The following PIP5K1A variants were observed in gnomAD, a reference collection of about 807,000 sequenced individuals.
PIP5K1A encodes the protein phosphatidylinositol-4-phosphate 5-kinase type 1 alpha.
Under a neutral mutation model 72.9 loss-of-function variants are expected in PIP5K1A, and 46 were observed. The ratio of observed to expected loss-of-function variants is 0.63; its 90% CI spans 0.50 to 0.81. The LOEUF (loss-of-function observed/expected upper bound fraction) is 0.81. PIP5K1A is among the 30% of genes least tolerant of loss of function. The probability of loss-of-function intolerance (pLI) is 0.00; values close to 1 mark genes in which losing one functional copy is unlikely to be tolerated. For synonymous variants in PIP5K1A, 228 were observed against 255.1 expected (o/e 0.89, Z 1.01); for missense variants, 458 against 706.1 (o/e 0.65, Z 3.98).
chr1:151,199,985 A>G (rs189837471), intron 1 of PIP5K1A, among the ~76,000 whole-genome samples: 2 of 152,168 alleles, frequency 1.3e-5, no homozygotes, highest in African/African-American at 4.8e-5. Context: ...ATACTTTCTC[A>G]GACTAATTCC....
chr1:151,248,685 TC>T lies in PIP5K1A; in HGVS notation c.*822del, dbSNP rs1366631346. On this transcript the variant is annotated 3_prime_UTR_variant, in exon 16 of 16. Coordinates refer to ENST00000368888, the MANE Select transcript of PIP5K1A (RefSeq NM_001135638.2). ...CCATGGGCTGGGAGATCATAGCCCT[TC>T]CTAGGCAGAATCCTGTTCACTGCCA... 12 of 152,678 alleles carry T rather than the reference TC, an allele frequency of 7.9e-5. No homozygotes were observed. The highest frequency in any genetic ancestry group is 2.9e-4 in the African/African-American group (12 of 41,464). The allele number at this position is 152,678 out of a possible 1,614,324, so 9.5% of individuals were successfully genotyped here. A position where few individuals can be genotyped will look rare whatever the true frequency, so the allele number is the denominator to read the frequency against.
chr1:151,241,869 A>G (rs587696627), intron 12 of PIP5K1A, among the ~76,000 whole-genome samples: 2 of 152,188 alleles, frequency 1.3e-5, no homozygotes, highest in South Asian at 2.1e-4. Context: ...GCAGTCATCA[A>G]GGCTCCATGT....
At chr1:151,214,681 G>A (rs1687322108) in intron 1 of PIP5K1A, among the ~76,000 whole-genome samples, 1 of 147,032 alleles carries the variant, frequency 6.8e-6, no homozygotes, top group Non-Finnish European at 1.5e-5. Flanking sequence ...GCACCTGGCC[G>A]GCTTTTTGCA....
chr1:151,220,548 A>G (rs1393893060), intron 1 of PIP5K1A, among the ~76,000 whole-genome samples: 1 of 151,698 alleles, frequency 6.6e-6, no homozygotes, highest in African/African-American at 2.4e-5. Flanking sequence ...GCTTACTGCA[A>G]CCTCTGCTCC....
intron 14 of PIP5K1A, among the ~76,000 whole-genome samples, chr1:151,244,396 TA>T (rs1198012499): frequency 2.7e-4 from 41 of 152,330 alleles, no homozygotes; most frequent in African/African-American, 7.9e-4. Flanking sequence ...CTCACGCCTG[TA>T]ATCCCAACAC....
chr1:151,229,061 AG>A (rs1689593410), intron 4 of PIP5K1A, among the ~76,000 whole-genome samples: 1 of 146,342 alleles, frequency 6.8e-6, no homozygotes, highest in African/African-American at 2.5e-5. Flanking sequence ...CCAGCTACTC[AG>A]GAGGCTGAGA....
intron 5 of PIP5K1A, 87 bp from the exon 6 acceptor site, chr1:151,232,161 A>C: frequency 1.2e-6 from 1 of 863,482 alleles, no homozygotes; most frequent in Admixed American, 1.7e-5. Context: ...TCCCCCCACC[A>C]TGAGGTGACT....
At chr1:151,222,984 G>A (rs1482478863) in intron 1 of PIP5K1A, among the ~76,000 whole-genome samples, 1 of 152,146 alleles carries the variant, frequency 6.6e-6, no homozygotes, top group Non-Finnish European at 1.5e-5. Context: ...GGGAGGCCAA[G>A]GCAGGTGGAT....
At chr1:151,218,554 A>G (rs1277567024) in intron 1 of PIP5K1A, among the ~76,000 whole-genome samples, 1 of 152,084 alleles carries the variant, frequency 6.6e-6, no homozygotes, top group Non-Finnish European at 1.5e-5. Flanking sequence ...ACCAAAGATG[A>G]GGCCGGGCTC....
intron 3 of PIP5K1A, 106 bp from the exon 4 acceptor site, chr1:151,227,214 C>A: frequency 1.5e-6 from 1 of 675,938 alleles, no homozygotes; most frequent in Non-Finnish European, 2.6e-6. Context: ...TGTTTTTAAT[C>A]TAGAAAGAAT....
chr1:151,222,423 G>GAGCT (rs2102396973), intron 1 of PIP5K1A, among the ~76,000 whole-genome samples: 1 of 152,298 alleles, frequency 6.6e-6, no homozygotes, highest in African/African-American at 2.4e-5. Context: ...AGCAGCCCTA[G>GAGCT]AGCTACATGT....
intron 1 of PIP5K1A, among the ~76,000 whole-genome samples, chr1:151,220,855 G>A (rs1408459509): frequency 1.3e-5 from 2 of 152,132 alleles, no homozygotes; most frequent in African/African-American, 4.8e-5. Flanking sequence ...ATATTTTAAA[G>A]CAAGCCCAGT....
chr1:151,213,538 G>A (rs1032222006), intron 1 of PIP5K1A: 2 of 152,136 alleles, frequency 1.3e-5, no homozygotes, highest in African/African-American at 4.8e-5. Context: ...TCTTATATGT[G>A]CTGATACAGG....
rs1156617723 is a variant in PIP5K1A at position 151,249,339 on chromosome 1, A to T, written c.*1474A>T. The T allele has an allele frequency of 1.3e-5, 2 of 151,644 alleles. No homozygotes were observed. The highest frequency in any genetic ancestry group is 2.9e-5 in the Non-Finnish European group (2 of 67,930). The allele number at this position is 151,644 out of a possible 1,614,324, so 9.4% of individuals were successfully genotyped here. A position where few individuals can be genotyped will look rare whatever the true frequency, so the allele number is the denominator to read the frequency against. On this transcript the variant is annotated 3_prime_UTR_variant, in exon 16 of 16. Coordinates refer to ENST00000368888, the MANE Select transcript of PIP5K1A (RefSeq NM_001135638.2). ...TATTTATGATGTATTTAAGTGTTTTATTAAGGACAGAGTTCTGTTAGGGGT... is the reference window on the plus strand; with the variant it reads ...TATTTATGATGTATTTAAGTGTTTTTTTAAGGACAGAGTTCTGTTAGGGGT...
rs1274983899 is a variant in PIP5K1A at position 151,248,736 on chromosome 1, G to C, written c.*871G>C. 6.6e-6 allele frequency: 1 copy of C among 152,540 alleles called. No individual in the cohort carries two copies. Among genetic ancestry groups the C allele is most frequent in the Non-Finnish European group, 1.5e-5 (1 of 68,034 alleles). 9.4% of individuals were successfully genotyped at this position (152,540 alleles called of 1,614,324 possible). A position where few individuals can be genotyped will look rare whatever the true frequency, so the allele number is the denominator to read the frequency against. On this transcript the variant is annotated 3_prime_UTR_variant, in exon 16 of 16. Coordinates refer to ENST00000368888, the MANE Select transcript of PIP5K1A (RefSeq NM_001135638.2). ...AGGCTATAGTAATTATTACTATTTT[G>C]CAATTTGAAATATATTCTGGTTGTT...
chr1:151,227,739 A>T (rs1689362746), intron 4 of PIP5K1A, among the ~76,000 whole-genome samples: 2 of 152,096 alleles, frequency 1.3e-5, no homozygotes, highest in African/African-American at 4.8e-5. Context: ...AAAAATACAA[A>T]AATTAGCTGG....
At chr1:151,198,074 G>C (rs1684713281), upstream of PIP5K1A, 1 of 470,724 alleles carries the variant, frequency 2.1e-6, no homozygotes, top group African/African-American at 2.0e-5. Flanking sequence ...TTGTGCTTGA[G>C]GCAAACAAAA....
chr1:151,217,114 C>T (rs765851451), intron 1 of PIP5K1A, among the ~76,000 whole-genome samples: 10 of 151,920 alleles, frequency 6.6e-5, no homozygotes, highest in African/African-American at 1.7e-4. Flanking sequence ...GGTTTTTCCA[C>T]GTTGGCCAGG....
In PIP5K1A at chr1:151,207,610, T is replaced by C. The variant is rs151331456; in HGVS notation, c.85+8529T>C. Among the ~76,000 whole-genome samples, 1,339 of 151,172 alleles carry C rather than the reference T, an allele frequency of 8.9e-3. 11 individuals are homozygous for C. The highest frequency in any genetic ancestry group is 0.017 in the Middle Eastern group (5 of 292). ...GCAGTGGCGTGATCTCGGCTCACTGTGACCTCTGTCTTCCAGGTTCAAGTG... is the reference window on the plus strand; with the variant it reads ...GCAGTGGCGTGATCTCGGCTCACTGCGACCTCTGTCTTCCAGGTTCAAGTG... On this transcript the variant is annotated intron_variant, in intron 1 of 15. Coordinates refer to ENST00000368888, the MANE Select transcript of PIP5K1A (RefSeq NM_001135638.2).
Sources: gnomAD v4.1 joint callset for allele counts (sites outside exome capture counted in the v4.1 genomes callset) on GRCh38, gnomAD v4.1.1 for gene constraint, MANE v1.5 for transcripts, NCBI Gene and HGNC (gene_info 2026-07-23, HGNC 2026-07-21) for gene names.